GAS7: variants seen among roughly 807,000 people sequenced by gnomAD.
GAS7 encodes growth arrest specific 7.
Under a neutral mutation model 71.1 loss-of-function variants are expected in GAS7, and 28 were observed. The observed-to-expected ratio is 0.39, with a 90% confidence interval of 0.29 to 0.54. The LOEUF (loss-of-function observed/expected upper bound fraction) is 0.54. GAS7 is among the 20% of genes least tolerant of loss of function. GAS7 has a pLI of 0.62. For missense variants in GAS7, 436 were observed against 627.8 expected (o/e 0.69, Z 3.27); for synonymous variants, 258 against 245.8 (o/e 1.05, Z -0.46).
rs1172898169 is a variant in GAS7 at position 9,926,829 on chromosome 17, G to A, written c.886-60C>T. ...AGGGCATCAGCTGTAAGCCAGTGCA[G>A]GGAGGAGGGATGGGAGGGGCACCCC... On this transcript the variant is annotated intron_variant, in intron 9 of 13. Transcript: ENST00000432992. This position sits in a 1 kb window ranked among gnomAD's most constrained non-coding sequence, Gnocchi z 5.0. 3 of 1,589,122 alleles carry A rather than the reference G, an allele frequency of 1.9e-6. No individual in the cohort carries two copies. The highest frequency in any genetic ancestry group is 1.7e-5 in the Admixed American group (1 of 59,898).
Position 10,178,702 on chromosome 17 carries a change from C to CTTTT in GAS7, c.183+19502_183+19505dup, listed in dbSNP as rs397857157. On this transcript the variant is annotated intron_variant, in intron 1 of 13. Coordinates refer to ENST00000432992, the MANE Select transcript of GAS7 (RefSeq NM_201433.2). ...TCAACTCCCCTCCCTCCCCCACCAC[C>CTTTT]TTTTTTTTTTTTTTTTTTTTTTTTT... Among the ~76,000 whole-genome samples the CTTTT allele has an allele frequency of 4.2e-3, 145 of 34,592 alleles. 40 individuals carry two copies. Among genetic ancestry groups the CTTTT allele is most frequent in the Middle Eastern group, 0.059 (2 of 34 alleles). The allele number at this position is 34,592 out of a possible 152,430, so 22.7% of individuals were successfully genotyped here. A position where few individuals can be genotyped will look rare whatever the true frequency, so the allele number is the denominator to read the frequency against.
At chr17:9,994,761 A>G (rs1029312462) in intron 2 of GAS7, among the ~76,000 whole-genome samples, 1 of 151,738 alleles carries the variant, frequency 6.6e-6, no homozygotes, top group Non-Finnish European at 1.5e-5. Context: ...AATGGGAGAA[A>G]ATTTTCACAA....
chr17:10,024,220 C>CCAA (rs2072381850), intron 1 of GAS7, among the ~76,000 whole-genome samples: 2 of 152,192 alleles, frequency 1.3e-5, no homozygotes, highest in Non-Finnish European at 2.9e-5. Context: ...CACTTAAGGG[C>CCAA]CAACAGCACC....
intron 8 of GAS7, among the ~76,000 whole-genome samples, chr17:9,936,455 G>A (rs1228858380): frequency 6.6e-6 from 1 of 152,156 alleles, no homozygotes; most frequent in Non-Finnish European, 1.5e-5. Context: ...TGGGCAACTG[G>A]GATGAAAGGA....
At chr17:10,166,186 G>C (rs2074292747) in intron 1 of GAS7, among the ~76,000 whole-genome samples, 1 of 151,886 alleles carries the variant, frequency 6.6e-6, no homozygotes. Context: ...ACCATGCCCA[G>C]CTAATTTTTT....
In GAS7 at chr17:10,034,315, CT is replaced by C. The variant is rs35276082; in HGVS notation, c.184-14419del. On this transcript the variant is annotated intron_variant, in intron 1 of 13. Coordinates refer to ENST00000432992, the MANE Select transcript of GAS7 (RefSeq NM_201433.2). This position sits in a 1 kb window ranked among gnomAD's most constrained non-coding sequence, Gnocchi z 4.4. ...ATATATAGCCTAATACTTAATAATT[CT>C]TTTTTTTTTTTTTAGACAGTCTTGC... 0.097 allele frequency: 46,978 copies of C among 481,960 alleles called. 94 individuals are homozygous for C. Among genetic ancestry groups the C allele is most frequent in the Non-Finnish European group, 0.11 (42,479 of 374,244 alleles). The allele number at this position is 481,960 out of a possible 1,614,324, so 29.9% of individuals were successfully genotyped here.
intron 2 of GAS7, among the ~76,000 whole-genome samples, chr17:10,000,814 T>C (rs7214392): frequency 0.24 from 35,796 of 152,050 alleles, 6,429 homozygotes; most frequent in African/African-American, 0.51. Context: ...CTGCTCTGTC[T>C]TCTCCGTACC....
At chr17:9,983,019 G>A (rs375410659) in intron 2 of GAS7, among the ~76,000 whole-genome samples, 1 of 151,722 alleles carries the variant, frequency 6.6e-6, no homozygotes, top group South Asian at 2.1e-4. Flanking sequence ...CATACAATTT[G>A]ATAATGCAGG....
At chr17:9,968,470 T>C (rs1239202352) in intron 4 of GAS7, among the ~76,000 whole-genome samples, 1 of 152,218 alleles carries the variant, frequency 6.6e-6, no homozygotes, top group Non-Finnish European at 1.5e-5. Flanking sequence ...AGTCCTGACA[T>C]ACACTGAGGT....
At chr17:9,943,728 A>G (rs16959055) in intron 6 of GAS7, among the ~76,000 whole-genome samples, 1,555 of 152,300 alleles carry the variant, frequency 0.01, 75 homozygotes, top group Admixed American at 0.076. Flanking sequence ...CATTCATACA[A>G]GATCACAGGA....
chr17:10,066,415 G>T (rs548964374), intron 1 of GAS7, among the ~76,000 whole-genome samples: 17 of 152,180 alleles, frequency 1.1e-4, no homozygotes, highest in African/African-American at 4.1e-4. Flanking sequence ...CCCGACCTCA[G>T]GTGATCCGCC....
chr17:9,956,621 C>T (rs1387200216), intron 5 of GAS7, among the ~76,000 whole-genome samples: 3 of 152,192 alleles, frequency 2.0e-5, no homozygotes, highest in Non-Finnish European at 4.4e-5. Context: ...CCCAGCAAGG[C>T]TGCCAGCCCC....
intron 3 of GAS7, among the ~76,000 whole-genome samples, chr17:9,970,776 C>CT (rs2069928912): frequency 6.6e-6 from 1 of 152,180 alleles, no homozygotes; most frequent in Non-Finnish European, 1.5e-5. Context: ...AGGGGGAGCC[C>CT]TGATATGTAG....
intron 1 of GAS7, among the ~76,000 whole-genome samples, chr17:10,033,658 T>TTAG (rs1390603664): frequency 6.6e-6 from 1 of 152,144 alleles, no homozygotes; most frequent in East Asian, 1.9e-4. Flanking sequence ...CCTCGGGGAA[T>TTAG]TAGTGCTGTT....
At position 10,024,830 on chromosome 17, in the gene GAS7, G is replaced by A. The variant is rs1454943686; in HGVS notation, c.184-4933C>T. On this transcript the variant is annotated intron_variant, in intron 1 of 13. Coordinates refer to ENST00000432992, the MANE Select transcript of GAS7 (RefSeq NM_201433.2). ...CACGCTATTTCATAAGTAATATCAG[G>A]AGGTTTCTACACTACTTCAGAACCC... Among the ~76,000 whole-genome samples, 3 of 152,124 alleles carry A rather than the reference G, an allele frequency of 2.0e-5. No individual in the cohort carries two copies. In the South Asian group the frequency reaches 6.2e-4, roughly 32 times the overall value.
chr17:9,981,925 A>C lies in GAS7; in HGVS notation c.305-41T>G. 2.2e-5 allele frequency: 24 copies of C among 1,071,002 alleles called. No homozygotes were observed. Among genetic ancestry groups the C allele is most frequent in the Non-Finnish European group, 3.2e-5 (22 of 684,680 alleles). 66.3% of individuals were successfully genotyped at this position (1,071,002 alleles called of 1,614,324 possible). On this transcript the variant is annotated intron_variant, in intron 2 of 13. Transcript: ENST00000432992. The surrounding 1 kb of genome is among the most constrained non-coding windows in gnomAD (Gnocchi z 4.4). ...CAAAGAAAATCACTTTGAGAATGTC[A>C]CAGGGCAGAACCTGAGTTTCACAGA...
At chr17:10,017,138 AAATAAATAAAT>A (rs2072063507) in intron 2 of GAS7, among the ~76,000 whole-genome samples, 1 of 105,136 alleles carries the variant, frequency 9.5e-6, no homozygotes, top group South Asian at 2.9e-4. Flanking sequence ...CTAAAAAAAT[AAATAAATAAAT>A]AAATAAATAA....
intron 1 of GAS7, among the ~76,000 whole-genome samples, chr17:10,094,550 C>T (rs1434580937): frequency 1.3e-5 from 2 of 151,972 alleles, no homozygotes; most frequent in African/African-American, 4.8e-5. Context: ...CTCACTGCAA[C>T]CTCCGCCTCC....
intron 9 of GAS7, among the ~76,000 whole-genome samples, chr17:9,927,473 T>C (rs145688913): frequency 0.013 from 1,939 of 150,008 alleles, 47 homozygotes; most frequent in African/African-American, 0.044. Context: ...GAGTGAGACT[T>C]GGTCTCAAAA....
Sources: gnomAD v4.1 joint callset for allele counts (sites outside exome capture counted in the v4.1 genomes callset) on GRCh38, gnomAD v4.1.1 for gene constraint, Gnocchi (gnomAD v3.1) non-coding constraint, MANE v1.5 for transcripts, NCBI Gene and HGNC (gene_info 2026-07-23, HGNC 2026-07-21) for gene names.